Variants in LRP1B observed in about 807,000 individuals in gnomAD.
LRP1B encodes LDL receptor related protein 1B.
A neutral mutation model predicts 556.6 loss-of-function variants in LRP1B; 217 were observed. That is an observed-to-expected ratio of 0.39 (90% CI 0.35 to 0.44). LRP1B has a LOEUF of 0.44. Among genes scored for constraint, LRP1B ranks in the 20% least tolerant of loss-of-function variants. The probability of loss-of-function intolerance (pLI) is 1.00; values close to 1 mark genes in which losing one functional copy is unlikely to be tolerated. For synonymous variants in LRP1B, 2,047 were observed against 1,865.8 expected (o/e 1.10, Z -2.50); for missense variants, 5,053 against 5,620.8 (o/e 0.90, Z 3.23).
intron 1 of LRP1B, among the ~76,000 whole-genome samples, chr2:141,922,459 G>A (rs969953614): frequency 9.2e-5 from 14 of 152,080 alleles, no homozygotes; most frequent in South Asian, 4.1e-4. Context: ...CTTAATCTGC[G>A]TTTTATCACA....
At chr2:141,119,394 A>G (rs927053889) in intron 7 of LRP1B, among the ~76,000 whole-genome samples, 2 of 151,828 alleles carry the variant, frequency 1.3e-5, no homozygotes, top group Non-Finnish European at 2.9e-5. Flanking sequence ...CTTTCAAAAC[A>G]TTTGCTAGAT....
chr2:141,231,413 T>C (rs1683460548), intron 5 of LRP1B, among the ~76,000 whole-genome samples: 1 of 152,060 alleles, frequency 6.6e-6, no homozygotes, highest in South Asian at 2.1e-4. Flanking sequence ...CCCCTATTAA[T>C]TTCAATAGGG....
chr2:140,508,002 C>G (rs1247624704), intron 52 of LRP1B, among the ~76,000 whole-genome samples: 2 of 152,088 alleles, frequency 1.3e-5, no homozygotes, highest in African/African-American at 4.8e-5. Flanking sequence ...TAATACATGT[C>G]TAGGTGCTCT....
chr2:141,309,972 C>G (rs1175504675), intron 3 of LRP1B, among the ~76,000 whole-genome samples: 2 of 152,068 alleles, frequency 1.3e-5, no homozygotes, highest in Non-Finnish European at 2.9e-5. Flanking sequence ...AAAATGTGAG[C>G]AATAAATTTC....
chr2:140,265,002 A>G (rs1682134865), intron 86 of LRP1B, among the ~76,000 whole-genome samples: 1 of 152,052 alleles, frequency 6.6e-6, no homozygotes, highest in African/African-American at 2.4e-5. Flanking sequence ...TTAATAGAAT[A>G]GTAGTAGTGG....
intron 3 of LRP1B, among the ~76,000 whole-genome samples, chr2:141,269,988 A>G (rs2105366875): frequency 1.3e-5 from 2 of 152,278 alleles, no homozygotes; most frequent in Middle Eastern, 6.8e-3. Context: ...TGTAAGTGGG[A>G]CATGATCAGA....
Position 141,808,918 on chromosome 2 carries a change from G to A in LRP1B, c.205+1361C>T, listed in dbSNP as rs60862295. 9.3e-4 allele frequency among the ~76,000 whole-genome samples: 142 copies of A among 152,028 alleles called. 1 individual carries two copies. The highest frequency in any genetic ancestry group is 1.7e-3 in the Non-Finnish European group (119 of 68,006). On this transcript the variant is annotated intron_variant, in intron 2 of 90. Coordinates refer to ENST00000389484, the MANE Select transcript of LRP1B (RefSeq NM_018557.3). ...AGGTTCATCCATGTTGTAGCATGTA[G>A]GAGTACTTCATTCCTTTTCATTACC... is the stretch of plus-strand genomic sequence containing the variant.
At chr2:140,573,288 A>C (rs1375794477) in intron 43 of LRP1B, among the ~76,000 whole-genome samples, 2 of 151,914 alleles carry the variant, frequency 1.3e-5, no homozygotes, top group Non-Finnish European at 2.9e-5. Flanking sequence ...AATATTAATA[A>C]AATCCAAAAA....
chr2:140,930,314 G>T (rs928297600), intron 20 of LRP1B, among the ~76,000 whole-genome samples: 1 of 151,842 alleles, frequency 6.6e-6, no homozygotes, highest in Non-Finnish European at 1.5e-5. Context: ...TACAATTTGG[G>T]GACTCTGATA....
intron 2 of LRP1B, among the ~76,000 whole-genome samples, chr2:141,697,610 T>G (rs1691775593): frequency 6.6e-6 from 1 of 151,970 alleles, no homozygotes; most frequent in Admixed American, 6.6e-5. Context: ...AAATGGGTAA[T>G]GTCATATGGA....
chr2:141,668,645 C>T (rs1690542075), intron 2 of LRP1B, among the ~76,000 whole-genome samples: 1 of 152,182 alleles, frequency 6.6e-6, no homozygotes, highest in African/African-American at 2.4e-5. Context: ...TGAGAGCCTT[C>T]TCCACCACTC....
At chr2:142,036,241 T>C (rs1476716995) in intron 1 of LRP1B, among the ~76,000 whole-genome samples, 2 of 151,634 alleles carry the variant, frequency 1.3e-5, no homozygotes, top group African/African-American at 4.8e-5. Flanking sequence ...AGGAGACCTG[T>C]CATCAGACAG....
chr2:140,274,415 T>A lies in LRP1B; in HGVS notation c.13142+9A>T. 6.2e-7 allele frequency: 1 copy of A among 1,611,238 alleles called. No homozygotes were observed. The highest frequency in any genetic ancestry group is 8.5e-7 in the Non-Finnish European group (1 of 1,178,006). On this transcript the variant is annotated intron_variant, in intron 85 of 90. Coordinates refer to ENST00000389484, the MANE Select transcript of LRP1B (RefSeq NM_018557.3). ...ATGCTTTTATAAATTAAGCTGGGTG[T>A]CCACTTACTTGCAAAATATATCTTC...
chr2:141,865,608 G>GAAAAAAAAAAAAAAAAAAA (rs369023076), intron 1 of LRP1B, among the ~76,000 whole-genome samples: 1 of 126,990 alleles, frequency 7.9e-6, no homozygotes. Context: ...AAAAAAAAAA[G>GAAAAAAAAAAAAAAAAAAA]AAAAAAAAAA....
chr2:141,338,254 G>A (rs1324220355), intron 3 of LRP1B, among the ~76,000 whole-genome samples: 2 of 152,110 alleles, frequency 1.3e-5, no homozygotes, highest in Non-Finnish European at 2.9e-5. Flanking sequence ...TACCACTGAA[G>A]CCACTGCCAC....
Position 141,831,956 on chromosome 2 carries a change from A to G in LRP1B, c.83-21555T>C, listed in dbSNP as rs542194679. Among the ~76,000 whole-genome samples the G allele has an allele frequency of 1.1e-3, 164 of 151,746 alleles. 1 individual carries two copies. Among genetic ancestry groups the G allele is most frequent in the African/African-American group, 3.9e-3 (160 of 41,510 alleles). On this transcript the variant is annotated intron_variant, in intron 1 of 90. Coordinates refer to ENST00000389484, the MANE Select transcript of LRP1B (RefSeq NM_018557.3). ...TTTTCTCGTTTTTTTCTCTAGTTCAATGCCTTTCTACATTGGAAATTCTGG... is the reference window on the plus strand; with the variant it reads ...TTTTCTCGTTTTTTTCTCTAGTTCAGTGCCTTTCTACATTGGAAATTCTGG...
intron 39 of LRP1B, 96 bp downstream of exon 39, chr2:140,702,043 TTG>T (rs774871312): frequency 5.9e-5 from 85 of 1,442,002 alleles, no homozygotes; most frequent in Non-Finnish European, 7.9e-5. Flanking sequence ...GAGTTCCTTT[TTG>T]TGACCTTGCT....
chr2:141,472,001 C>T (rs907795650), intron 3 of LRP1B, among the ~76,000 whole-genome samples: 1 of 152,156 alleles, frequency 6.6e-6, no homozygotes, highest in Admixed American at 6.5e-5. Context: ...TAATATGTCT[C>T]TTCAACTGGG....
At chr2:141,006,207 C>A (rs557140199) in intron 14 of LRP1B, among the ~76,000 whole-genome samples, 1 of 152,034 alleles carries the variant, frequency 6.6e-6, no homozygotes, top group Non-Finnish European at 1.5e-5. Context: ...AGTGATGTTT[C>A]AGTAAACGTA....
Sources: gnomAD v4.1 joint callset for allele counts (sites outside exome capture counted in the v4.1 genomes callset) on GRCh38, gnomAD v4.1.1 for gene constraint, MANE v1.5 for transcripts, NCBI Gene and HGNC (gene_info 2026-07-23, HGNC 2026-07-21) for gene names.